ATP9A: variants seen among roughly 807,000 people sequenced by gnomAD.
ATP9A encodes the protein ATPase phospholipid transporting 9A.
Under a neutral mutation model 144.1 loss-of-function variants are expected in ATP9A, and 52 were observed. That is an observed-to-expected ratio of 0.36 (90% CI 0.29 to 0.45). ATP9A has a LOEUF of 0.45. Among genes scored for constraint, ATP9A ranks in the 20% least tolerant of loss-of-function variants. The pLI, the probability that ATP9A is intolerant of heterozygous loss-of-function variation, is 1.00. For synonymous variants in ATP9A, 582 were observed against 557.4 expected (o/e 1.04, Z -0.62); for missense variants, 947 against 1,392.7 (o/e 0.68, Z 5.09).
At chr20:51,741,141 T>C (rs902453889) in intron 1 of ATP9A, among the ~76,000 whole-genome samples, 1 of 151,990 alleles carries the variant, frequency 6.6e-6, no homozygotes, top group East Asian at 2.0e-4. Flanking sequence ...AACTACGGAC[T>C]AGACTGTGCA....
At position 51,729,992 on chromosome 20, in the gene ATP9A, ACCCACGCATCAAGGCCACG is replaced by A. The variant is rs760396913; in HGVS notation, c.69-33_69-15del. The A allele has an allele frequency of 6.6e-5, 100 of 1,513,566 alleles. 1 individual carries two copies. Among genetic ancestry groups the A allele is most frequent in the Non-Finnish European group, 8.1e-5 (92 of 1,134,606 alleles). 93.8% of individuals were successfully genotyped at this position (1,513,566 alleles called of 1,614,324 possible). ...CACTCGCAGCACCTGTGGGAAAGAA[ACCCACGCATCAAGGCCACG>A]CCCACGCATCGAGGCTGTGCTCATG... On this transcript the variant is annotated splice_polypyrimidine_tract_variant and intron_variant, in intron 1 of 27. Transcript: ENST00000338821.
At chr20:51,747,251 T>C (rs144987791) in intron 1 of ATP9A, among the ~76,000 whole-genome samples, 155 of 152,266 alleles carry the variant, frequency 1.0e-3, no homozygotes, top group African/African-American at 2.3e-3. Context: ...AATCACCTCA[T>C]GAGAAAAGCC....
At chr20:51,644,449 T>G (rs1052471532) in intron 14 of ATP9A, among the ~76,000 whole-genome samples, 3 of 151,408 alleles carry the variant, frequency 2.0e-5, no homozygotes, top group Non-Finnish European at 4.4e-5. Context: ...TTTTTTGTAT[T>G]TTTAGTAGAG....
At chr20:51,645,528 AAAAC>A (rs766529249) in intron 14 of ATP9A, among the ~76,000 whole-genome samples, 5 of 120,706 alleles carry the variant, frequency 4.1e-5, no homozygotes, top group African/African-American at 1.0e-4. Context: ...CAAACAAACA[AAAAC>A]AAACAAACAA....
At chr20:51,743,267 G>A (rs2077792576) in intron 1 of ATP9A, among the ~76,000 whole-genome samples, 3 of 152,230 alleles carry the variant, frequency 2.0e-5, no homozygotes, top group African/African-American at 7.2e-5. Context: ...CTGTCACGTT[G>A]GTGTTGTGGG....
chr20:51,665,048 C>A (rs1156490858), intron 13 of ATP9A, among the ~76,000 whole-genome samples: 1 of 152,074 alleles, frequency 6.6e-6, no homozygotes, highest in Non-Finnish European at 1.5e-5. Context: ...AATTTTAAAT[C>A]ATCATACCTG....
chr20:51,697,289 A>G, intron 5 of ATP9A, 135 bp downstream of exon 5: 1 of 695,494 alleles, frequency 1.4e-6, no homozygotes, highest in African/African-American at 1.8e-5. Context: ...CTCACAGGAA[A>G]GAGATTTTTC....
intron 13 of ATP9A, among the ~76,000 whole-genome samples, chr20:51,666,663 G>C (rs1309067531): frequency 2.8e-5 from 4 of 143,876 alleles, no homozygotes; most frequent in Admixed American, 1.4e-4. Flanking sequence ...CTGGGCAACA[G>C]AGTGAGACTG....
chr20:51,741,116 C>T (rs1259181814), intron 1 of ATP9A, among the ~76,000 whole-genome samples: 1 of 151,666 alleles, frequency 6.6e-6, no homozygotes, highest in African/African-American at 2.4e-5. Context: ...TGCTCCATAG[C>T]TACATGTGAC....
intron 9 of ATP9A, among the ~76,000 whole-genome samples, chr20:51,686,464 A>G (rs2077523521): frequency 6.6e-6 from 1 of 152,102 alleles, no homozygotes; most frequent in South Asian, 2.1e-4. Flanking sequence ...ACAAACAAAA[A>G]ACTGCAAAAA....
At chr20:51,654,281 C>G (rs1455810107) in intron 14 of ATP9A, among the ~76,000 whole-genome samples, 1 of 152,116 alleles carries the variant, frequency 6.6e-6, no homozygotes, top group Non-Finnish European at 1.5e-5. Flanking sequence ...ACAAATTCCA[C>G]TGCCCAAAAA....
At chr20:51,629,479 T>C (rs2077262357) in intron 15 of ATP9A, among the ~76,000 whole-genome samples, 1 of 152,174 alleles carries the variant, frequency 6.6e-6, no homozygotes, top group African/African-American at 2.4e-5. Flanking sequence ...CTGTGAACAT[T>C]TGGGGCCAGA....
intron 3 of ATP9A, among the ~76,000 whole-genome samples, chr20:51,714,496 C>T (rs1014384698): frequency 6.6e-6 from 1 of 152,216 alleles, no homozygotes; most frequent in Admixed American, 6.5e-5. Flanking sequence ...ATTCTCTTGC[C>T]TCAGCCTCCC....
At chr20:51,608,388 T>G (rs1392402953) in intron 25 of ATP9A, 130 bp downstream of exon 25, 1 of 683,528 alleles carries the variant, frequency 1.5e-6, no homozygotes, top group Non-Finnish European at 2.6e-6. Context: ...AGCTACCAGT[T>G]CAAGTGTGTT....
At chr20:51,696,959 G>A (rs1380501015) in intron 5 of ATP9A, among the ~76,000 whole-genome samples, 1 of 152,026 alleles carries the variant, frequency 6.6e-6, no homozygotes, top group Non-Finnish European at 1.5e-5. Context: ...TGTATTTTTG[G>A]TCTTTTTACT....
At chr20:51,640,550 G>A (rs773723272) in intron 14 of ATP9A, among the ~76,000 whole-genome samples, 2 of 152,212 alleles carry the variant, frequency 1.3e-5, no homozygotes, top group African/African-American at 4.8e-5. Context: ...GCTGGCATGT[G>A]GCAAAGCTAG....
In ATP9A at chr20:51,667,262, C is replaced by T. The variant is rs149612579; in HGVS notation, c.1293+2735G>A. Among the ~76,000 whole-genome samples, 12 of 152,294 alleles carry T rather than the reference C, an allele frequency of 7.9e-5. No homozygotes were observed. The East Asian group carries it at 2.1e-3, about 27-fold the overall frequency. On this transcript the variant is annotated intron_variant, in intron 13 of 27. Coordinates refer to ENST00000338821, the MANE Select transcript of ATP9A (RefSeq NM_006045.3). Reference sequence around the variant, plus strand: ...AATACACAAATATCCTGAGAGGGGACGGCTTCCGTAAACACCAGGAGCTCT... The same window carrying T: ...AATACACAAATATCCTGAGAGGGGATGGCTTCCGTAAACACCAGGAGCTCT...
At chr20:51,722,607 A>G (rs1184012417) in intron 3 of ATP9A, among the ~76,000 whole-genome samples, 1 of 152,254 alleles carries the variant, frequency 6.6e-6, no homozygotes. Flanking sequence ...CAACATCACT[A>G]ATGATCAGGG....
intron 17 of ATP9A, among the ~76,000 whole-genome samples, chr20:51,625,664 A>C (rs2077245522): frequency 6.6e-6 from 1 of 152,142 alleles, no homozygotes; most frequent in South Asian, 2.1e-4. Flanking sequence ...CACCAACCTC[A>C]TTGGGTTGTC....
Sources: allele counts gnomAD v4.1 joint callset (sites outside exome capture counted in the v4.1 genomes callset), GRCh38; gene constraint gnomAD v4.1.1; transcripts MANE v1.5; gene names NCBI Gene and HGNC (gene_info 2026-07-23, HGNC 2026-07-21).